The following NCOA2 variants were observed in gnomAD, a reference collection of about 807,000 sequenced individuals.
NCOA2 encodes the protein nuclear receptor coactivator 2.
NCOA2 carries 21 observed loss-of-function variants against 145.1 expected under a neutral mutation model. That is an observed-to-expected ratio of 0.14 (90% CI 0.10 to 0.21). The LOEUF (loss-of-function observed/expected upper bound fraction) is 0.21. NCOA2 is among the 10% of genes least tolerant of loss of function. NCOA2 has a pLI of 1.00. For missense variants in NCOA2, 1,472 were observed against 1,837.6 expected, an observed-to-expected ratio of 0.80 and a Z score of 3.64; for synonymous variants, 619 against 637.5, an observed-to-expected ratio of 0.97 and a Z score of 0.44.
rs1409208461 is a variant in NCOA2, at chr8:70,159,189, A to ATATAGT, written c.1124+310_1124+315dup. ...ATTTCTTATACCTGATACAGTGTAA[A>ATATAGT]TATAGTTATAATACAAATAATACAG... On this transcript the variant is annotated intron_variant, in intron 10 of 22. Transcript: ENST00000452400. Among the ~76,000 whole-genome samples the ATATAGT allele has an allele frequency of 9.1e-5, 12 of 132,018 alleles. No individual in the cohort carries two copies. The Admixed American group carries it at 9.9e-4, about 11-fold the overall frequency. The allele number at this position is 132,018 out of a possible 152,430, so 86.6% of individuals were successfully genotyped here.
chr8:70,240,665 G>A (rs1822049582), intron 2 of NCOA2, among the ~76,000 whole-genome samples: 1 of 152,166 alleles, frequency 6.6e-6, no homozygotes. Context: ...TTACATTGCT[G>A]TTGACTGTGA....
the NCOA2 span, among the ~76,000 whole-genome samples, chr8:70,417,535 G>A: frequency 6.6e-6 from 1 of 151,534 alleles, no homozygotes; most frequent in South Asian, 2.1e-4. Flanking sequence ...GGCAACAAGA[G>A]TGAGACTCTG....
At chr8:70,441,381 GA>G in the NCOA2 span, among the ~76,000 whole-genome samples, 2 of 98,152 alleles carry the variant, frequency 2.0e-5, no homozygotes, top group African/African-American at 3.4e-5. Context: ...GAGAAAGAAA[GA>G]AGAAAGAGAA....
chr8:70,423,947 C>T, the NCOA2 span, among the ~76,000 whole-genome samples: 11 of 152,298 alleles, frequency 7.2e-5, no homozygotes, highest in African/African-American at 2.4e-4. Context: ...ACAATGGCCT[C>T]TCCTGTGATT....
chr8:70,357,050 C>T (rs1216916080), intron 1 of NCOA2, among the ~76,000 whole-genome samples: 1 of 152,280 alleles, frequency 6.6e-6, no homozygotes, highest in East Asian at 1.9e-4. Context: ...ACTACCTATA[C>T]ATGAAGGTGG....
chr8:70,200,572 T>C (rs1817778575), intron 4 of NCOA2, among the ~76,000 whole-genome samples: 1 of 152,198 alleles, frequency 6.6e-6, no homozygotes, highest in Non-Finnish European at 1.5e-5. Flanking sequence ...GACTCGCCAC[T>C]ACCTATCCCT....
At chr8:70,355,566 G>A (rs749743897) in intron 1 of NCOA2, among the ~76,000 whole-genome samples, 43 of 151,914 alleles carry the variant, frequency 2.8e-4, no homozygotes, top group Admixed American at 1.4e-3. Context: ...AATGTCATGA[G>A]ATTTTTTTGT....
chr8:70,356,399 T>C (rs1011126703), intron 1 of NCOA2, among the ~76,000 whole-genome samples: 1 of 152,172 alleles, frequency 6.6e-6, no homozygotes, highest in South Asian at 2.1e-4. Flanking sequence ...CACTAGTCAT[T>C]CTACAGCAGC....
chr8:70,141,471 G>A, intron 13 of NCOA2, 72 bp from the exon 14 acceptor site: 1 of 1,310,148 alleles, frequency 7.6e-7, no homozygotes, highest in South Asian at 1.3e-5. Flanking sequence ...AACACCAGAT[G>A]ATCTTACCCT....
chr8:70,333,653 C>T (rs1016624531), intron 1 of NCOA2, among the ~76,000 whole-genome samples: 3 of 152,182 alleles, frequency 2.0e-5, no homozygotes, highest in African/African-American at 7.2e-5. Flanking sequence ...CCAGTGGACA[C>T]AGCCAACAAA....
intron 22 of NCOA2, among the ~76,000 whole-genome samples, chr8:70,120,728 C>T (rs904949098): frequency 2.6e-5 from 4 of 151,668 alleles, no homozygotes; most frequent in Admixed American, 2.0e-4. Flanking sequence ...CTCAAAAAAA[C>T]AAAACAAAAC....
chr8:70,319,815 C>T (rs1805901252), intron 1 of NCOA2, among the ~76,000 whole-genome samples: 1 of 152,090 alleles, frequency 6.6e-6, no homozygotes, highest in Admixed American at 6.5e-5. Context: ...GACCTTAAAA[C>T]TATAAATCCA....
chr8:70,198,308 C>T (rs1021752220), intron 4 of NCOA2, among the ~76,000 whole-genome samples: 1 of 152,156 alleles, frequency 6.6e-6, no homozygotes, highest in Non-Finnish European at 1.5e-5. Context: ...AAAAGTGGCA[C>T]ACAAGCTGTG....
chr8:70,326,300 A>C (rs929721095), intron 1 of NCOA2, among the ~76,000 whole-genome samples: 8 of 152,134 alleles, frequency 5.3e-5, no homozygotes, highest in African/African-American at 1.9e-4. Context: ...ATATGCTCTT[A>C]CCTTTATTAA....
At chr8:70,420,454 A>G in the NCOA2 span, among the ~76,000 whole-genome samples, 1 of 152,228 alleles carries the variant, frequency 6.6e-6, no homozygotes, top group African/African-American at 2.4e-5. Context: ...GGAAAGGCTG[A>G]GAACTACTAT....
chr8:70,166,656 C>T lies in NCOA2; in HGVS notation c.640G>A (p.Gly214Ser). The change falls in exon 7 of 23, where the codon GGT becomes AGT. Residue 214 changes from glycine (G) to serine (S), a missense_variant. By Grantham distance (56) the Gly-to-Ser change is moderately conservative (BLOSUM62 0). This residue lies in a region of NCOA2 where 284 missense variants were observed against 467.8 expected (regional missense o/e 0.61). Coordinates refer to ENST00000452400, the MANE Select transcript of NCOA2 (RefSeq NM_006540.4). ...VKPLPDSEEE[G>S]HDNQEAHQKY... ...TGATGAGCTTCCTGGTTATCATGAC[C>T]CTCCTCTTCTGAATCAGGTAAAGGT... 1 of 1,613,944 alleles carries T rather than the reference C, an allele frequency of 6.2e-7. No homozygotes were observed. The highest frequency in any genetic ancestry group is 1.3e-5 in the African/African-American group (1 of 75,038).
At chr8:70,295,121 C>A (rs16936886) in intron 2 of NCOA2, among the ~76,000 whole-genome samples, 1 of 152,030 alleles carries the variant, frequency 6.6e-6, no homozygotes, top group African/African-American at 2.4e-5. Flanking sequence ...TCCTGAAGCA[C>A]AAAGAAAACT....
chr8:70,202,974 C>T (rs770655411), intron 4 of NCOA2, among the ~76,000 whole-genome samples: 11 of 152,026 alleles, frequency 7.2e-5, no homozygotes, highest in Non-Finnish European at 1.3e-4. Flanking sequence ...GGCCGGATCA[C>T]GAGGTCAAGA....
the NCOA2 span, among the ~76,000 whole-genome samples, chr8:70,427,279 G>T: frequency 6.6e-6 from 1 of 152,038 alleles, no homozygotes; most frequent in Non-Finnish European, 1.5e-5. Flanking sequence ...AGTAAAATGA[G>T]AAATAAAATG....
Sources: gnomAD v4.1 joint callset for allele counts (sites outside exome capture counted in the v4.1 genomes callset) on GRCh38, gnomAD v4.1.1 for gene constraint, gnomAD v4.1.1 regional missense constraint, MANE v1.5 for transcripts, NCBI Gene and HGNC (gene_info 2026-07-23, HGNC 2026-07-21) for gene names.